The following GRIP2 variants were observed in gnomAD, a reference collection of about 807,000 sequenced individuals.
The protein encoded by GRIP2 is glutamate receptor interacting protein 2.
A neutral mutation model predicts 108.3 loss-of-function variants in GRIP2; 58 were observed. The ratio of observed to expected loss-of-function variants is 0.54; its 90% CI spans 0.43 to 0.67. The LOEUF (loss-of-function observed/expected upper bound fraction) is 0.67, where lower values mean the gene tolerates loss of function less well. Ranked by LOEUF, GRIP2 falls within the 30% of genes least tolerant of loss-of-function variation. The probability of loss-of-function intolerance (pLI) is 0.00; values close to 1 mark genes in which losing one functional copy is unlikely to be tolerated. For synonymous variants in GRIP2, 586 were observed against 598.2 expected (o/e 0.98, Z 0.30); for missense variants, 1,278 against 1,430.6 (o/e 0.89, Z 1.72).
rs1164402435 is a variant in GRIP2, at chr3:14,507,549, A to C, written c.2218+12T>G. ...CTGCTGGGTGGCTCCCAGGGGATGA[A>C]GCGAATCTCACGGTCTAGTTGCTTC... is the stretch of plus-strand genomic sequence containing the variant. On this transcript the variant is annotated intron_variant, in intron 18 of 23. Transcript: ENST00000621039. The surrounding 1 kb of genome is among the most constrained non-coding windows in gnomAD (Gnocchi z 4.6). The C allele has an allele frequency of 7.4e-6, 12 of 1,611,276 alleles. No individual in the cohort carries two copies. Among genetic ancestry groups the C allele is most frequent in the Non-Finnish European group, 1.0e-5 (12 of 1,177,542 alleles).
At chr3:14,552,217 T>C (rs1302204470) in intron 1 of GRIP2, among the ~76,000 whole-genome samples, 1 of 152,148 alleles carries the variant, frequency 6.6e-6, no homozygotes, top group African/African-American at 2.4e-5. Flanking sequence ...GGCCCTGATG[T>C]GGCTGCCAGG....
chr3:14,599,295 A>G, the GRIP2 span, among the ~76,000 whole-genome samples: 3 of 152,292 alleles, frequency 2.0e-5, no homozygotes, highest in African/African-American at 7.2e-5. Flanking sequence ...CTAACATTCC[A>G]AGGGTCTATT....
chr3:14,497,324 TA>T (rs1281768931), intron 21 of GRIP2, among the ~76,000 whole-genome samples: 1 of 152,074 alleles, frequency 6.6e-6, no homozygotes, highest in African/African-American at 2.4e-5. Flanking sequence ...ATAAATAAGA[TA>T]AAATTATGCA....
At chr3:14,540,699 CT>C (rs1170817319), upstream of GRIP2, among the ~76,000 whole-genome samples, 17 of 149,138 alleles carry the variant, frequency 1.1e-4, no homozygotes, top group East Asian at 2.0e-4. This position sits in a 1 kb window ranked among gnomAD's most constrained non-coding sequence, Gnocchi z 4.1. Context: ...GCTTTCCAAA[CT>C]TTTTTTTTTT....
At chr3:14,569,564 G>C in the GRIP2 span, among the ~76,000 whole-genome samples, 1 of 152,180 alleles carries the variant, frequency 6.6e-6, no homozygotes, top group African/African-American at 2.4e-5. Flanking sequence ...AGGGGTCCTG[G>C]GGGAGAGACC....
chr3:14,557,921 C>T (rs146281450), upstream of GRIP2, among the ~76,000 whole-genome samples: 3 of 152,308 alleles, frequency 2.0e-5, no homozygotes, highest in Admixed American at 6.5e-5. Flanking sequence ...CAGGGTTACA[C>T]GAGATCACAA....
chr3:14,538,385 GCT>G (rs796367878), intron 1 of GRIP2, among the ~76,000 whole-genome samples: 14 of 152,328 alleles, frequency 9.2e-5, no homozygotes, highest in African/African-American at 3.4e-4. Context: ...CTGGAAATAG[GCT>G]CTCTTTCCTT....
Position 14,514,437 on chromosome 3 carries a change from C to A in GRIP2, c.1348G>T (p.Val450Leu). 1.9e-6 allele frequency: 3 copies of A among 1,578,224 alleles called. No individual in the cohort carries two copies. Among genetic ancestry groups the A allele is most frequent in the South Asian group, 2.3e-5 (2 of 85,940 alleles). The stretch of plus-strand genomic sequence containing the variant: ...ACGACCTCCGTGGTCTCCGTGTGCA[C>A]AATCTGCCCGCCCGGCCCCACCGTG... Reference protein sequence around the residue: ...SSTVGPGGQIVHTETTEVVLC... With the variant: ...SSTVGPGGQILHTETTEVVLC... The change falls in exon 12 of 24, where the codon GTG (valine) becomes TTG (leucine). Residue 450 changes from valine to leucine, a missense_variant. Physicochemically the swap from Val to Leu is conservative, Grantham distance 32. Coordinates refer to ENST00000621039, the MANE Select transcript of GRIP2 (RefSeq NM_001080423.4).
chr3:14,501,856 G>A (rs778506271), intron 21 of GRIP2, among the ~76,000 whole-genome samples: 36 of 152,006 alleles, frequency 2.4e-4, no homozygotes, highest in Non-Finnish European at 5.0e-4. Context: ...TAAAACAAAT[G>A]AATTAAAGAT....
chr3:14,542,374 C>CA, upstream of GRIP2, among the ~76,000 whole-genome samples: 1 of 152,220 alleles, frequency 6.6e-6, no homozygotes, highest in East Asian at 1.9e-4. Context: ...AGGCTGGTCT[C>CA]AAACTCCTGT....
rs566501030 is a variant in GRIP2 at position 14,518,107 on chromosome 3, G to C, written c.1031-210C>G. ...CTGCCACATGGCAGCCTGAGAGGCA[G>C]GGACAGGAGAGAGAAAGGAAGCCAG... is the stretch of plus-strand genomic sequence containing the variant. On this transcript the variant is annotated intron_variant, in intron 9 of 23. Transcript: ENST00000621039. Among the ~76,000 whole-genome samples the C allele has an allele frequency of 4.9e-4, 74 of 152,346 alleles. No homozygotes were observed. The South Asian group carries it at 0.015, about 31-fold the overall frequency.
chr3:14,521,357 G>T lies in GRIP2; in HGVS notation c.712+285C>A. On this transcript the variant is annotated intron_variant, in intron 7 of 23. Coordinates refer to ENST00000621039, the MANE Select transcript of GRIP2 (RefSeq NM_001080423.4). This position sits in a 1 kb window ranked among gnomAD's most constrained non-coding sequence, Gnocchi z 5.1. ...TTTTCTTTTTTCCATAGCACTTATT[G>T]CCAACTGACATACACCATATCTTAT... 1 of 347,034 alleles carries T rather than the reference G, an allele frequency of 2.9e-6. No homozygotes were observed. The highest frequency in any genetic ancestry group is 5.2e-6 in the Non-Finnish European group (1 of 194,002). 21.5% of individuals were successfully genotyped at this position (347,034 alleles called of 1,614,324 possible).
At chr3:14,584,608 A>G in the GRIP2 span, among the ~76,000 whole-genome samples, 1 of 152,176 alleles carries the variant, frequency 6.6e-6, no homozygotes, top group African/African-American at 2.4e-5. Context: ...GCAGCCTGGG[A>G]CCGCGGACTA....
At chr3:14,565,086 G>A in the GRIP2 span, among the ~76,000 whole-genome samples, 1 of 152,202 alleles carries the variant, frequency 6.6e-6, no homozygotes, top group East Asian at 1.9e-4. Flanking sequence ...CAGCATTTCT[G>A]GGGGTTGAGA....
chr3:14,569,306 G>T, the GRIP2 span, among the ~76,000 whole-genome samples: 2 of 152,358 alleles, frequency 1.3e-5, no homozygotes, highest in South Asian at 4.1e-4. Context: ...GAATCGGGCT[G>T]TGTCAGAGAA....
the GRIP2 span, among the ~76,000 whole-genome samples, chr3:14,562,532 T>C: frequency 2.0e-5 from 3 of 152,208 alleles, no homozygotes; most frequent in Non-Finnish European, 4.4e-5. Context: ...AGGTAAAGAA[T>C]GAAGCACGTT....
chr3:14,523,506 AACTG>A, intron 5 of GRIP2, 102 bp downstream of exon 5: 1 of 777,720 alleles, frequency 1.3e-6, no homozygotes, highest in Admixed American at 2.1e-5. Flanking sequence ...TCAAAGTCAG[AACTG>A]AGATACACAT....
In GRIP2 at chr3:14,490,694, A is replaced by G. The variant is rs1431548346; in HGVS notation, c.*2971T>C. The G allele has an allele frequency of 3.3e-5, 5 of 152,228 alleles. No individual in the cohort carries two copies. The highest frequency in any genetic ancestry group is 3.3e-4 in the Admixed American group (5 of 15,276). The allele number at this position is 152,228 out of a possible 1,614,324, so 9.4% of individuals were successfully genotyped here. ...TAGTCTCCAGCCCCATTCCCCTCCC[A>G]GGCCTTCTTTCTCTTCCTTGAGACC... is the stretch of plus-strand genomic sequence containing the variant. On this transcript the variant is annotated 3_prime_UTR_variant, in exon 24 of 24. Transcript: ENST00000621039.
chr3:14,499,012 T>C (rs1693693325), intron 21 of GRIP2, among the ~76,000 whole-genome samples: 2 of 152,146 alleles, frequency 1.3e-5, no homozygotes, highest in Non-Finnish European at 2.9e-5. Flanking sequence ...TGCCATCTCA[T>C]TGCTGGATAG....
Sources: gnomAD v4.1 joint callset for allele counts (sites outside exome capture counted in the v4.1 genomes callset) on GRCh38, gnomAD v4.1.1 for gene constraint, Gnocchi (gnomAD v3.1) non-coding constraint, MANE v1.5 for transcripts, NCBI Gene and HGNC (gene_info 2026-07-23, HGNC 2026-07-21) for gene names.